Variants in GRIA3 observed in about 807,000 individuals in gnomAD.
The protein encoded by GRIA3 is glutamate ionotropic receptor AMPA type subunit 3, also known as glutamate receptor 3.
GRIA3 carries 3 observed loss-of-function variants against 63.0 expected under a neutral mutation model. That is an observed-to-expected ratio of 0.05 (90% confidence interval 0.02 to 0.12). The LOEUF (loss-of-function observed/expected upper bound fraction) is 0.12. Among genes scored for constraint, GRIA3 ranks in the 10% least tolerant of loss-of-function variants. The pLI is 1.00. For missense variants in GRIA3, 347 were observed against 700.9 expected (o/e 0.50, Z 5.70); for synonymous variants, 274 against 257.9 (o/e 1.06, Z -0.60).
At chrX:123,472,202 G>T (rs756050745) in intron 13 of GRIA3, among the ~76,000 whole-genome samples, 1 of 104,983 alleles carries the variant, frequency 9.5e-6, no homozygotes, top group East Asian at 3.0e-4. Flanking sequence ...TTTTCTATGA[G>T]TCATGGTCAA....
chrX:123,288,385 G>C (rs1316003659), intron 3 of GRIA3, among the ~76,000 whole-genome samples: 1 of 112,393 alleles, frequency 8.9e-6, no homozygotes, highest in Non-Finnish European at 1.9e-5. Context: ...AACACCAAAA[G>C]CAATGGCAAC....
At chrX:123,282,389 C>CA (rs892683219) in intron 3 of GRIA3, among the ~76,000 whole-genome samples, 3 of 112,212 alleles carry the variant, frequency 2.7e-5, no homozygotes, top group Non-Finnish European at 5.6e-5. Flanking sequence ...ATCTGAAAAA[C>CA]AATCCCATTT....
At chrX:123,260,461 G>GAAAGAAAGAAAGAAAGAAAGAAAGA (rs1569409644) in intron 3 of GRIA3, among the ~76,000 whole-genome samples, 1 of 3,498 alleles carries the variant, frequency 2.9e-4, no homozygotes, top group African/African-American at 7.8e-4. Flanking sequence ...AGAAAGAAAG[G>GAAAGAAAGAAAGAAAGAAAGAAAGA]AAGGAAGAAG....
At chrX:123,466,454 G>C (rs2045834544) in intron 13 of GRIA3, among the ~76,000 whole-genome samples, 1 of 111,951 alleles carries the variant, frequency 8.9e-6, no homozygotes, top group Non-Finnish European at 1.9e-5. Flanking sequence ...CTATATGTGT[G>C]TATGAATCCC....
At chrX:123,444,408 C>T (rs762794523) in intron 12 of GRIA3, among the ~76,000 whole-genome samples, 20 of 112,152 alleles carry the variant, frequency 1.8e-4, no homozygotes, top group African/African-American at 6.2e-4. Flanking sequence ...GCCCTGTAGC[C>T]AGAAGCACAA....
Position 123,253,412 on chromosome X carries a change from G to T in GRIA3, c.378G>T (p.Thr126=), listed in dbSNP as rs755309623. 3.5e-5 allele frequency: 42 copies of T among 1,209,629 alleles called. No individual in the cohort carries two copies. The South Asian group carries it at 4.8e-4, about 14-fold the overall frequency. The change falls in exon 3 of 16, where the codon ACG becomes ACT. Residue 126 remains threonine, a synonymous_variant. Coordinates refer to ENST00000620443, the MANE Select transcript of GRIA3 (RefSeq NM_007325.5). ...GGGCCCTGCACACATCCTTTGTTACGCCTAGCTTCCCCACTGACGCAGATG... is the reference window on the plus strand; with the variant it reads ...GGGCCCTGCACACATCCTTTGTTACTCCTAGCTTCCCCACTGACGCAGATG... The part of the protein sequence containing the change: ...FCGALHTSFV[T]PSFPTDADVQ...
At chrX:123,300,017 G>C (rs767617430) in intron 3 of GRIA3, among the ~76,000 whole-genome samples, 8 of 111,605 alleles carry the variant, frequency 7.2e-5, no homozygotes, top group Middle Eastern at 4.6e-3. Flanking sequence ...CTGTTTATCT[G>C]ATGAATCACA....
rs760824587 is a variant in GRIA3 at position 123,471,990 on chromosome X, CATATATATATATAT to C, written c.2324+6897_2324+6910del. On this transcript the variant is annotated intron_variant, in intron 13 of 15. Transcript: ENST00000620443. The stretch of plus-strand genomic sequence containing the variant: ...AATATATACCTAAGGCAATGGCATT[CATATATATATATAT>C]ATATATATATATATATATGACTATT... Among the ~76,000 whole-genome samples, 30 of 13,415 alleles carry C rather than the reference CATATATATATATAT, an allele frequency of 2.2e-3. 1 individual carries two copies. The highest frequency in any genetic ancestry group is 3.4e-3 in the African/African-American group (17 of 5,017). The allele number at this position is 13,415 out of a possible 115,157, so 11.6% of individuals were successfully genotyped here.
chrX:123,292,355 T>C (rs1484877727), intron 3 of GRIA3, among the ~76,000 whole-genome samples: 1 of 111,585 alleles, frequency 9.0e-6, no homozygotes, highest in Non-Finnish European at 1.9e-5. Context: ...TGGACACCAA[T>C]ACAATGGCAT....
At chrX:123,478,747 T>C (rs2045898362) in intron 13 of GRIA3, among the ~76,000 whole-genome samples, 1 of 112,286 alleles carries the variant, frequency 8.9e-6, no homozygotes, top group Admixed American at 9.4e-5. Context: ...TTACAGCATG[T>C]TCACAGTTCC....
chrX:123,232,477 G>T (rs991139517), intron 2 of GRIA3, among the ~76,000 whole-genome samples: 1 of 111,282 alleles, frequency 9.0e-6, no homozygotes, highest in East Asian at 2.8e-4. Context: ...TTATTTAGTG[G>T]GTACAGAGTT....
chrX:123,405,882 C>T (rs1265665636), intron 10 of GRIA3, among the ~76,000 whole-genome samples: 1 of 112,213 alleles, frequency 8.9e-6, no homozygotes, highest in East Asian at 2.8e-4. Context: ...ATGAACTCCT[C>T]GAGGACAGAA....
At chrX:123,456,010 T>G (rs1052260402) in intron 12 of GRIA3, among the ~76,000 whole-genome samples, 2 of 111,844 alleles carry the variant, frequency 1.8e-5, no homozygotes, top group African/African-American at 6.5e-5. Flanking sequence ...ACAGCTTTTT[T>G]CAGGCTTGAT....
At chrX:123,372,738 T>C (rs2045255300) in intron 5 of GRIA3, among the ~76,000 whole-genome samples, 1 of 111,960 alleles carries the variant, frequency 8.9e-6, no homozygotes, top group South Asian at 3.7e-4. Flanking sequence ...TGCAACTTTC[T>C]TGAATTCGTT....
intron 10 of GRIA3, among the ~76,000 whole-genome samples, chrX:123,416,052 C>A (rs988537818): frequency 9.0e-6 from 1 of 111,606 alleles, no homozygotes; most frequent in Non-Finnish European, 1.9e-5. Flanking sequence ...TTAGTTTCTC[C>A]ATCTCCAACA....
chrX:123,196,595 G>A (rs1487086309), intron 2 of GRIA3, among the ~76,000 whole-genome samples: 1 of 111,461 alleles, frequency 9.0e-6, no homozygotes, highest in Non-Finnish European at 1.9e-5. Flanking sequence ...CCCATCAGTG[G>A]CTGTCCACAG....
intron 12 of GRIA3, among the ~76,000 whole-genome samples, chrX:123,458,981 C>T (rs777974282): frequency 9.0e-6 from 1 of 111,446 alleles, no homozygotes; most frequent in East Asian, 2.8e-4. Context: ...ATTTATAATA[C>T]CATTAAAATA....
Position 123,490,057 on chromosome X carries a change from A to G in GRIA3, c.*1347A>G, listed in dbSNP as rs1369545738. ...TACCTGCCGTTGGCATCATCAGAAC[A>G]GTCCGAAGAAATAGTCTCCACTCAC... is the stretch of plus-strand genomic sequence containing the variant. On this transcript the variant is annotated 3_prime_UTR_variant, in exon 16 of 16. Coordinates refer to ENST00000620443, the MANE Select transcript of GRIA3 (RefSeq NM_007325.5). 8.9e-6 allele frequency: 1 copy of G among 112,285 alleles called. No individual in the cohort carries two copies. Among genetic ancestry groups the G allele is most frequent in the Non-Finnish European group, 1.9e-5 (1 of 53,259 alleles). 9.3% of individuals were successfully genotyped at this position (112,285 alleles called of 1,213,427 possible).
At chrX:123,184,777 A>C in intron 1 of GRIA3, 133 bp downstream of exon 1, 1 of 317,385 alleles carries the variant, frequency 3.2e-6, no homozygotes, top group Non-Finnish European at 6.2e-6. Context: ...GACCGGGCAG[A>C]GATGGTGCGG....
Sources: gnomAD v4.1 joint callset for allele counts (sites outside exome capture counted in the v4.1 genomes callset) on GRCh38, gnomAD v4.1.1 for gene constraint, MANE v1.5 for transcripts, NCBI Gene and HGNC (gene_info 2026-07-23, HGNC 2026-07-21) for gene names.